MARCHF1: variants seen among roughly 807,000 people sequenced by gnomAD.
MARCHF1 encodes the protein membrane associated ring-CH-type finger 1, also known as E3 ubiquitin-protein ligase MARCHF1.
MARCHF1 carries 40 observed loss-of-function variants against 54.2 expected under a neutral mutation model. The ratio of observed to expected loss-of-function variants is 0.74; its 90% CI spans 0.57 to 0.96. The LOEUF (loss-of-function observed/expected upper bound fraction) is 0.96, where lower values mean the gene tolerates loss of function less well. MARCHF1 is among the 40% of genes least tolerant of loss of function. The pLI, the probability that MARCHF1 is intolerant of heterozygous loss-of-function variation, is 0.00. For missense variants in MARCHF1, 586 were observed against 656.5 expected (o/e 0.89, Z 1.17); for synonymous variants, 236 against 236.3 (o/e 1.00, Z 0.01).
At chr4:164,334,108 G>A (rs559912051) in intron 1 of MARCHF1, among the ~76,000 whole-genome samples, 46 of 152,332 alleles carry the variant, frequency 3.0e-4, no homozygotes, top group African/African-American at 9.4e-4. Context: ...TGGCATAAAA[G>A]TGCAAGGTGA....
In MARCHF1 at chr4:163,809,681, A is replaced by T. The variant is rs142881704; in HGVS notation, c.111+44340T>A. On this transcript the variant is annotated intron_variant, in intron 4 of 9. Coordinates refer to ENST00000514618, the MANE Select transcript of MARCHF1 (RefSeq NM_001394959.1). ...CTTTTGTCTACTTTCCTTTTTTATA[A>T]CATATATCATGTATATTATATACAT... Among the ~76,000 whole-genome samples the T allele has an allele frequency of 7.4e-3, 1,134 of 152,218 alleles. 11 individuals carry two copies. The highest frequency in any genetic ancestry group is 0.013 in the Non-Finnish European group (862 of 68,012).
chr4:164,241,785 C>T (rs11100539), intron 1 of MARCHF1, among the ~76,000 whole-genome samples: 42,343 of 151,952 alleles, frequency 0.28, 6,680 homozygotes, highest in Admixed American at 0.44. Context: ...GTGCGCGAGC[C>T]GAAGCAGGGC....
At chr4:164,351,433 T>C (rs1730329080) in intron 1 of MARCHF1, among the ~76,000 whole-genome samples, 1 of 150,454 alleles carries the variant, frequency 6.6e-6, no homozygotes, top group Non-Finnish European at 1.5e-5. Context: ...GCAGACTGCC[T>C]CCTCAAGTGG....
intron 9 of MARCHF1, among the ~76,000 whole-genome samples, chr4:163,545,347 G>T (rs896138937): frequency 4.6e-5 from 7 of 152,150 alleles, no homozygotes; most frequent in Admixed American, 6.5e-5. Context: ...TGCCATTTGT[G>T]TGTAACTGCC....
intron 3 of MARCHF1, among the ~76,000 whole-genome samples, chr4:163,897,109 C>A (rs1443237069): frequency 2.0e-5 from 3 of 152,100 alleles, no homozygotes; most frequent in African/African-American, 7.2e-5. Flanking sequence ...CCAACTATGG[C>A]CAATTTTTAT....
chr4:163,767,182 T>A (rs935298517), intron 4 of MARCHF1, among the ~76,000 whole-genome samples: 20 of 151,850 alleles, frequency 1.3e-4, no homozygotes, highest in African/African-American at 3.6e-4. Flanking sequence ...ACAGTTTTTT[T>A]AGAAATTTCA....
intron 4 of MARCHF1, among the ~76,000 whole-genome samples, chr4:163,775,400 T>C (rs1193745560): frequency 6.6e-6 from 1 of 152,196 alleles, no homozygotes; most frequent in Non-Finnish European, 1.5e-5. Context: ...TGCATGAGAA[T>C]AGGACTTTTT....
intron 3 of MARCHF1, among the ~76,000 whole-genome samples, chr4:163,972,175 A>T (rs1450286185): frequency 6.6e-6 from 1 of 152,056 alleles, no homozygotes; most frequent in East Asian, 1.9e-4. Context: ...AGGGAGGGGA[A>T]CATCACATAC....
intron 1 of MARCHF1, among the ~76,000 whole-genome samples, chr4:164,357,129 A>T (rs1213924875): frequency 6.6e-6 from 1 of 150,750 alleles, no homozygotes; most frequent in African/African-American, 2.4e-5. Flanking sequence ...GAAAAAAAAA[A>T]ATAAATAAAA....
At chr4:163,796,387 C>T (rs975461869) in intron 4 of MARCHF1, among the ~76,000 whole-genome samples, 7 of 151,852 alleles carry the variant, frequency 4.6e-5, no homozygotes, top group African/African-American at 9.7e-5. Context: ...CCACCATGCT[C>T]GGCTAATTTT....
chr4:163,733,177 GTATATATATATATATATATATA>G (rs1169850987), intron 4 of MARCHF1, among the ~76,000 whole-genome samples: 4 of 17,550 alleles, frequency 2.3e-4, no homozygotes, highest in East Asian at 2.2e-3. Context: ...CTGTATGTGT[GTATATATATATATATATATATA>G]TATATATATA....
intron 3 of MARCHF1, among the ~76,000 whole-genome samples, chr4:163,889,014 AC>A (rs1750598549): frequency 6.6e-6 from 1 of 152,188 alleles, no homozygotes; most frequent in Non-Finnish European, 1.5e-5. Flanking sequence ...TGGTAGGTAT[AC>A]AAGAGCTATT....
chr4:163,889,196 C>G (rs1750601976), intron 3 of MARCHF1, among the ~76,000 whole-genome samples: 1 of 152,156 alleles, frequency 6.6e-6, no homozygotes, highest in Admixed American at 6.5e-5. Context: ...CTCATATTTA[C>G]AGAGTCCTCA....
chr4:163,926,994 A>T (rs944476651), intron 3 of MARCHF1, among the ~76,000 whole-genome samples: 5 of 151,804 alleles, frequency 3.3e-5, no homozygotes, highest in Non-Finnish European at 7.4e-5. Context: ...GGTATAACCA[A>T]TGCTAATTTT....
chr4:163,813,261 A>G (rs1212485969), intron 4 of MARCHF1, among the ~76,000 whole-genome samples: 1 of 152,242 alleles, frequency 6.6e-6, no homozygotes, highest in African/African-American at 2.4e-5. Flanking sequence ...GCTAAAATTC[A>G]AACCCATATT....
rs545043144 is a variant in MARCHF1, at chr4:164,011,293, C to G, written c.-247-22584G>C. The stretch of plus-strand genomic sequence containing the variant: ...GAGATCATATCAAGCTAAAAAGCTT[C>G]TGCACAGCAAAGGATACAATCAACA... On this transcript the variant is annotated intron_variant, in intron 2 of 9. Coordinates refer to ENST00000514618, the MANE Select transcript of MARCHF1 (RefSeq NM_001394959.1). Among the ~76,000 whole-genome samples the G allele has an allele frequency of 1.1e-4, 16 of 152,256 alleles. No individual in the cohort carries two copies. The East Asian group carries it at 3.1e-3, about 29-fold the overall frequency.
chr4:164,383,145 C>A (rs1731425280), intron 1 of MARCHF1: 1 of 152,322 alleles, frequency 6.6e-6, no homozygotes, highest in African/African-American at 2.4e-5. Flanking sequence ...CTTCCTGGAG[C>A]TCCAGAAACT....
rs549558269 is a variant in MARCHF1, at chr4:164,345,124, A to G, written c.-323+38746T>C. ...ATAATATATATTTTCAAATAGCTAGAAGGAGAATATTAAAAATTCCTAACA... is the reference window on the plus strand; with the variant it reads ...ATAATATATATTTTCAAATAGCTAGGAGGAGAATATTAAAAATTCCTAACA... On this transcript the variant is annotated intron_variant, in intron 1 of 9. Transcript: ENST00000514618. 2.1e-5 allele frequency among the ~76,000 whole-genome samples: 3 copies of G among 146,140 alleles called. No individual in the cohort carries two copies. The East Asian group carries it at 5.8e-4, about 28-fold the overall frequency.
chr4:163,598,898 G>T (rs888883003), intron 7 of MARCHF1, among the ~76,000 whole-genome samples: 2 of 151,666 alleles, frequency 1.3e-5, no homozygotes, highest in Non-Finnish European at 2.9e-5. Context: ...TAAACTTTTC[G>T]ACTCTTTTGT....
Sources: gnomAD v4.1 joint callset for allele counts (sites outside exome capture counted in the v4.1 genomes callset) on GRCh38, gnomAD v4.1.1 for gene constraint, MANE v1.5 for transcripts, NCBI Gene and HGNC (gene_info 2026-07-23, HGNC 2026-07-21) for gene names.